The following ST6GAL1 variants were observed in gnomAD, a reference collection of about 807,000 sequenced individuals.
ST6GAL1 encodes the protein beta-galactoside alpha-2,6-sialyltransferase 1.
Under a neutral mutation model 38.0 loss-of-function variants are expected in ST6GAL1, and 20 were observed. The ratio of observed to expected loss-of-function variants is 0.53; its 90% CI spans 0.37 to 0.77. The LOEUF (loss-of-function observed/expected upper bound fraction) is 0.77, where lower values mean the gene tolerates loss of function less well. Among genes scored for constraint, ST6GAL1 ranks in the 30% least tolerant of loss-of-function variants. ST6GAL1 has a pLI of 0.00. For missense variants in ST6GAL1, 432 were observed against 496.4 expected, an observed-to-expected ratio of 0.87 and a Z score of 1.23; for synonymous variants, 196 against 188.2, an observed-to-expected ratio of 1.04 and a Z score of -0.34.
chr3:187,003,057 C>G (rs1716672010), intron 2 of ST6GAL1, among the ~76,000 whole-genome samples: 1 of 152,224 alleles, frequency 6.6e-6, no homozygotes. Flanking sequence ...CAGTTCCAGT[C>G]TGAGTCCAAA....
At chr3:186,944,908 G>C (rs1250611858) in intron 1 of ST6GAL1, among the ~76,000 whole-genome samples, 1 of 152,192 alleles carries the variant, frequency 6.6e-6, no homozygotes, top group East Asian at 1.9e-4. Flanking sequence ...GAGGCCATAT[G>C]CCTTCTTAAA....
At chr3:187,010,737 C>G (rs961753789) in intron 2 of ST6GAL1, among the ~76,000 whole-genome samples, 18 of 152,162 alleles carry the variant, frequency 1.2e-4, no homozygotes, top group African/African-American at 4.3e-4. Flanking sequence ...GATACTGTGG[C>G]GAGCAATATC....
chr3:186,968,889 G>A (rs112238421), intron 2 of ST6GAL1, among the ~76,000 whole-genome samples: 19 of 152,254 alleles, frequency 1.2e-4, no homozygotes, highest in South Asian at 4.1e-4. Context: ...TGTGGTGGGC[G>A]TTTGTTTAAC....
chr3:187,062,254 A>G (rs1718941976), intron 5 of ST6GAL1, among the ~76,000 whole-genome samples: 1 of 152,212 alleles, frequency 6.6e-6, no homozygotes, highest in African/African-American at 2.4e-5. Flanking sequence ...ATGGTCAGCC[A>G]CTGTGGAAAA....
intron 2 of ST6GAL1, among the ~76,000 whole-genome samples, chr3:186,982,003 C>T (rs1375549400): frequency 6.6e-6 from 1 of 152,166 alleles, no homozygotes; most frequent in Non-Finnish European, 1.5e-5. Context: ...TCTATGATAG[C>T]AGTCACGCTA....
At chr3:186,979,091 T>C (rs1359032405) in intron 2 of ST6GAL1, among the ~76,000 whole-genome samples, 2 of 152,254 alleles carry the variant, frequency 1.3e-5, no homozygotes, top group African/African-American at 4.8e-5. Flanking sequence ...AGCTGGGCCC[T>C]ATTTATTTCT....
chr3:187,042,315 C>CA (rs1376592345), intron 3 of ST6GAL1, among the ~76,000 whole-genome samples: 1 of 151,790 alleles, frequency 6.6e-6, no homozygotes, highest in Non-Finnish European at 1.5e-5. Context: ...TCAAGAAACT[C>CA]AGAGTGCAGT....
At chr3:186,969,144 G>A (rs1224068842) in intron 2 of ST6GAL1, among the ~76,000 whole-genome samples, 11 of 150,052 alleles carry the variant, frequency 7.3e-5, no homozygotes, top group Non-Finnish European at 1.2e-4. Flanking sequence ...CTCTGCCTCC[G>A]GGGTTCAAGC....
intron 5 of ST6GAL1, among the ~76,000 whole-genome samples, chr3:187,065,080 G>A (rs1719054562): frequency 6.6e-6 from 1 of 150,582 alleles, no homozygotes; most frequent in South Asian, 2.1e-4. Flanking sequence ...TCGGCTCCCT[G>A]CTCTGCCTCC....
chr3:186,991,982 C>T (rs895756883), intron 2 of ST6GAL1, among the ~76,000 whole-genome samples: 1 of 152,184 alleles, frequency 6.6e-6, no homozygotes, highest in African/African-American at 2.4e-5. Context: ...GCTGACCTCC[C>T]ATATGGCCAA....
intron 2 of ST6GAL1, among the ~76,000 whole-genome samples, chr3:187,018,077 C>A (rs1004302868): frequency 6.6e-6 from 1 of 152,130 alleles, no homozygotes; most frequent in Non-Finnish European, 1.5e-5. Flanking sequence ...CCGGGGGAGG[C>A]AGGTTTCCAA....
chr3:187,072,967 A>G lies in ST6GAL1; in HGVS notation c.804+20A>G. On this transcript the variant is annotated intron_variant, in intron 6 of 7. Transcript: ENST00000169298. Reference sequence around the variant, plus strand: ...CCAAAGGTAAGTGGGTGTCCGTGGGAAATAGGGGTTGAGTTTCCTGTCTGT... The same window carrying G: ...CCAAAGGTAAGTGGGTGTCCGTGGGGAATAGGGGTTGAGTTTCCTGTCTGT... 3 of 1,580,862 alleles carry G rather than the reference A, an allele frequency of 1.9e-6. No individual in the cohort carries two copies. Among genetic ancestry groups the G allele is most frequent in the Non-Finnish European group, 1.7e-6 (2 of 1,150,038 alleles).
intron 2 of ST6GAL1, among the ~76,000 whole-genome samples, chr3:186,981,450 T>C (rs1715695989): frequency 1.3e-5 from 2 of 152,144 alleles, no homozygotes; most frequent in Admixed American, 6.5e-5. Context: ...ATGGCAGAGG[T>C]AGAAGACAGC....
chr3:186,943,135 G>C (rs1487876988), intron 1 of ST6GAL1, among the ~76,000 whole-genome samples: 1 of 152,252 alleles, frequency 6.6e-6, no homozygotes, highest in African/African-American at 2.4e-5. Flanking sequence ...GGTGTGCACA[G>C]ATGATGGGAA....
chr3:186,937,052 C>T (rs993841144), intron 1 of ST6GAL1, among the ~76,000 whole-genome samples: 11 of 151,224 alleles, frequency 7.3e-5, no homozygotes, highest in Admixed American at 3.9e-4. Flanking sequence ...CAAAGGCAAC[C>T]CCTCTTAACA....
chr3:187,073,058 G>A, intron 6 of ST6GAL1, 111 bp downstream of exon 6: 1 of 811,774 alleles, frequency 1.2e-6, no homozygotes, highest in Non-Finnish European at 2.0e-6. Flanking sequence ...CCTAAAGGCT[G>A]GGTATTTGAG....
chr3:187,019,848 A>G (rs1370972815), intron 2 of ST6GAL1, among the ~76,000 whole-genome samples: 3 of 152,210 alleles, frequency 2.0e-5, no homozygotes, highest in South Asian at 4.1e-4. Context: ...GATTAAGGAG[A>G]TGAAGATCAG....
chr3:187,021,292 C>T (rs538967933), intron 2 of ST6GAL1, among the ~76,000 whole-genome samples: 12 of 152,198 alleles, frequency 7.9e-5, no homozygotes, highest in South Asian at 6.2e-4. Context: ...TGTTTCCTGG[C>T]GCATAGCCCC....
chr3:187,042,838 C>T lies in ST6GAL1; in HGVS notation c.135C>T (p.Phe45=), dbSNP rs1308943806. The T allele has an allele frequency of 6.2e-7, 1 of 1,614,016 alleles. No individual in the cohort carries two copies. Among genetic ancestry groups the T allele is most frequent in the Admixed American group, 1.7e-5 (1 of 59,974 alleles). The change falls in exon 4 of 8, where the codon TTC becomes TTT. Residue 45 remains phenylalanine (F), a synonymous_variant. Coordinates refer to ENST00000169298, the MANE Select transcript of ST6GAL1 (RefSeq NM_173216.2). ...CCTTTAAATTGCAAACCAAGGAATTCCAGGTGTTAAAGAGTCTGGGGAAAT... is the reference window on the plus strand; with the variant it reads ...CCTTTAAATTGCAAACCAAGGAATTTCAGGTGTTAAAGAGTCTGGGGAAAT... ...YDSFKLQTKE[F]QVLKSLGKLA...
Sources: allele counts gnomAD v4.1 joint callset (sites outside exome capture counted in the v4.1 genomes callset), GRCh38; gene constraint gnomAD v4.1.1; transcripts MANE v1.5; gene names NCBI Gene and HGNC (gene_info 2026-07-23, HGNC 2026-07-21).